ZSCAN25: variants seen among roughly 807,000 people sequenced by gnomAD.
ZSCAN25 encodes the protein zinc finger and SCAN domain-containing protein 25.
Under a neutral mutation model 38.7 loss-of-function variants are expected in ZSCAN25, and 27 were observed. The ratio of observed to expected loss-of-function variants is 0.70; its 90% confidence interval spans 0.51 to 0.96. ZSCAN25 has a LOEUF of 0.96. Among genes scored for constraint, ZSCAN25 ranks in the 40% least tolerant of loss-of-function variants. ZSCAN25 has a pLI of 0.00. For missense variants in ZSCAN25, 637 were observed against 705.9 expected (o/e 0.90, Z 1.11); for synonymous variants, 273 against 277.7 (o/e 0.98, Z 0.17).
At chr7:99,640,566 G>T in the ZSCAN25 span, among the ~76,000 whole-genome samples, 1 of 152,136 alleles carries the variant, frequency 6.6e-6, no homozygotes, top group Admixed American at 6.6e-5. Flanking sequence ...GCTGTTTGTT[G>T]AGCCACCAAT....
chr7:99,647,395 G>T, the ZSCAN25 span: 1 of 745,350 alleles, frequency 1.3e-6, no homozygotes, highest in African/African-American at 1.9e-5. Context: ...GAAAATGAAA[G>T]AATAAAAAAG....
At chr7:99,669,862 C>T in the ZSCAN25 span, among the ~76,000 whole-genome samples, 6 of 152,024 alleles carry the variant, frequency 3.9e-5, no homozygotes, top group African/African-American at 1.4e-4. Flanking sequence ...GCTGCCCTGG[C>T]GATGGTAGGT....
chr7:99,714,647 A>G, the ZSCAN25 span: 4 of 1,612,558 alleles, frequency 2.5e-6, no homozygotes, highest in Non-Finnish European at 3.4e-6. Flanking sequence ...GTGATATTTA[A>G]TGCTTCAAGA....
the ZSCAN25 span, chr7:99,663,388 C>G: frequency 1.0e-6 from 1 of 991,870 alleles, no homozygotes; most frequent in South Asian, 4.6e-5. Flanking sequence ...GGTCCTGTCT[C>G]CCTGACCTGC....
chr7:99,619,914 G>A lies in ZSCAN25; in HGVS notation c.308G>A (p.Arg103Gln), dbSNP rs758750253. The change falls in exon 4 of 8, where the codon CGG becomes CAG. Residue 103 changes from arginine (R) to glutamine (Q), a missense_variant. Coordinates refer to ENST00000394152, the MANE Select transcript of ZSCAN25 (RefSeq NM_145115.3). Reference protein sequence around the residue: ...ILPREFYAWIREHGPESGKAL... With the variant: ...ILPREFYAWIQEHGPESGKAL... The stretch of plus-strand genomic sequence containing the variant: ...CCCCGCGAGTTCTACGCCTGGATCC[G>A]GGAGCATGGCCCAGAGAGTGGCAAG... 10 of 1,614,242 alleles carry A rather than the reference G, an allele frequency of 6.2e-6. No homozygotes were observed. Among genetic ancestry groups the A allele is most frequent in the South Asian group, 3.3e-5 (3 of 91,090 alleles).
At chr7:99,732,490 A>C in the ZSCAN25 span, among the ~76,000 whole-genome samples, 6 of 152,066 alleles carry the variant, frequency 3.9e-5, no homozygotes. Context: ...TTGCGTCTGC[A>C]CATCAACTGT....
chr7:99,647,390 T>G, the ZSCAN25 span: 45,161 of 691,652 alleles, frequency 0.065, 5,717 homozygotes, highest in African/African-American at 0.41. Context: ...GGAGGGAAAA[T>G]GAAAGAATAA....
the ZSCAN25 span, among the ~76,000 whole-genome samples, chr7:99,686,750 A>AC: frequency 0.038 from 5,000 of 133,326 alleles, 119 homozygotes; most frequent in Admixed American, 0.087. Context: ...ACTGGGAGGC[A>AC]CCCCCCCCCC....
chr7:99,729,203 T>C, the ZSCAN25 span, among the ~76,000 whole-genome samples: 1 of 152,202 alleles, frequency 6.6e-6, no homozygotes, highest in East Asian at 1.9e-4. Flanking sequence ...GTGTCTTCAA[T>C]TGGTTTCTCA....
the ZSCAN25 span, among the ~76,000 whole-genome samples, chr7:99,673,488 A>G: frequency 6.6e-6 from 1 of 152,262 alleles, no homozygotes; most frequent in African/African-American, 2.4e-5. Flanking sequence ...GTGCAATGGT[A>G]TAAACCAATA....
chr7:99,617,617 C>T (rs532572275), intron 1 of ZSCAN25, among the ~76,000 whole-genome samples: 18 of 152,238 alleles, frequency 1.2e-4, no homozygotes, highest in African/African-American at 3.9e-4. Flanking sequence ...TGGTGGCACT[C>T]GCCAGTAGTC....
the ZSCAN25 span, chr7:99,699,917 C>T: frequency 7.6e-7 from 1 of 1,307,194 alleles, no homozygotes; most frequent in African/African-American, 1.5e-5. Flanking sequence ...CTGAGTAGCA[C>T]CCCAAGTCCA....
chr7:99,622,465 C>A, intron 5 of ZSCAN25, 84 bp from the exon 6 acceptor site: 1 of 1,265,110 alleles, frequency 7.9e-7, no homozygotes, highest in Non-Finnish European at 1.2e-6. Flanking sequence ...TTGTGAGCAT[C>A]TGGTAGGGGA....
intron 7 of ZSCAN25, among the ~76,000 whole-genome samples, chr7:99,625,421 G>T (rs541056381): frequency 6.6e-6 from 1 of 152,168 alleles, no homozygotes; most frequent in African/African-American, 2.4e-5. Context: ...TTGCCTGTGG[G>T]GTCTTAGAGT....
the ZSCAN25 span, among the ~76,000 whole-genome samples, chr7:99,650,623 AAGG>A: frequency 6.6e-6 from 1 of 152,192 alleles, no homozygotes. Flanking sequence ...CTCATTGAGA[AAGG>A]AGAAGGAGAA....
the ZSCAN25 span, chr7:99,648,187 C>T: frequency 5.6e-6 from 8 of 1,437,860 alleles, no homozygotes; most frequent in South Asian, 6.1e-5. Flanking sequence ...ACCAACTACT[C>T]ATGCAGTACA....
At chr7:99,722,450 G>A in the ZSCAN25 span, 3 of 1,433,076 alleles carry the variant, frequency 2.1e-6, no homozygotes, top group Non-Finnish European at 2.9e-6. Flanking sequence ...AATTAGACTT[G>A]CTGGCAGTTA....
chr7:99,701,414 A>G, the ZSCAN25 span, among the ~76,000 whole-genome samples: 1 of 152,230 alleles, frequency 6.6e-6, no homozygotes, highest in African/African-American at 2.4e-5. Flanking sequence ...TATTGGGAAC[A>G]TGGGAATGAA....
intron 6 of ZSCAN25, 94 bp downstream of exon 6, chr7:99,622,734 C>T (rs776272290): frequency 1.7e-5 from 20 of 1,202,384 alleles, no homozygotes; most frequent in African/African-American, 1.1e-4. Context: ...GTTCCCTTCC[C>T]GCCCCAAGTT....
Sources: allele counts gnomAD v4.1 joint callset (sites outside exome capture counted in the v4.1 genomes callset), GRCh38; gene constraint gnomAD v4.1.1; transcripts MANE v1.5; gene names NCBI Gene and HGNC (gene_info 2026-07-23, HGNC 2026-07-21).